DTWD2: variants seen among roughly 807,000 people sequenced by gnomAD.
The protein encoded by DTWD2 is tRNA-uridine aminocarboxypropyltransferase 2.
In DTWD2, 39 loss-of-function variants were observed where a neutral mutation model predicts 31.8. The ratio of observed to expected loss-of-function variants is 1.22; its 90% CI spans 0.95 to 1.60. The LOEUF (loss-of-function observed/expected upper bound fraction) is 1.60. Ranked by LOEUF, DTWD2 falls within the 40% of genes most tolerant of loss-of-function variation. The probability of loss-of-function intolerance (pLI) is 0.00; values close to 1 mark genes in which losing one functional copy is unlikely to be tolerated. For missense variants in DTWD2, 515 were observed against 381.5 expected (o/e 1.35, Z -2.92); for synonymous variants, 180 against 142.8 (o/e 1.26, Z -1.86).
chr5:118,936,380 G>C (rs1036169367), intron 3 of DTWD2, among the ~76,000 whole-genome samples: 6 of 151,098 alleles, frequency 4.0e-5, no homozygotes, highest in Non-Finnish European at 5.9e-5. Flanking sequence ...CTCTACAAAA[G>C]AAAACTTTTA....
At chr5:118,903,560 C>T (rs1753263231) in intron 4 of DTWD2, among the ~76,000 whole-genome samples, 1 of 151,920 alleles carries the variant, frequency 6.6e-6, no homozygotes, top group South Asian at 2.1e-4. Flanking sequence ...CAAGTATGAT[C>T]TTGTCTCCAG....
chr5:118,923,561 T>G (rs1438815647), intron 4 of DTWD2, among the ~76,000 whole-genome samples: 2 of 152,190 alleles, frequency 1.3e-5, no homozygotes, highest in East Asian at 3.9e-4. Context: ...GGAAGAATCT[T>G]GGGAAAGAGG....
chr5:118,972,602 G>T (rs1223984675), intron 1 of DTWD2, among the ~76,000 whole-genome samples: 1 of 152,154 alleles, frequency 6.6e-6, no homozygotes, highest in African/African-American at 2.4e-5. Context: ...TGAAAAGAAG[G>T]AACTCCTCCC....
At chr5:118,861,311 C>T (rs1752255610) in intron 4 of DTWD2, among the ~76,000 whole-genome samples, 1 of 152,078 alleles carries the variant, frequency 6.6e-6, no homozygotes, top group Non-Finnish European at 1.5e-5. Context: ...TTGGTGAAGC[C>T]CACTTAAAAG....
At chr5:118,965,587 C>A (rs1754824823) in intron 1 of DTWD2, among the ~76,000 whole-genome samples, 1 of 152,194 alleles carries the variant, frequency 6.6e-6, no homozygotes, top group South Asian at 2.1e-4. Context: ...AAGAAAAATT[C>A]TTCTGCCTTG....
At chr5:118,963,581 G>A (rs762282357) in intron 1 of DTWD2, among the ~76,000 whole-genome samples, 8 of 152,166 alleles carry the variant, frequency 5.3e-5, no homozygotes, top group Non-Finnish European at 1.2e-4. Flanking sequence ...TGAGCAGACA[G>A]ACATGTTAAA....
intron 4 of DTWD2, among the ~76,000 whole-genome samples, chr5:118,879,143 A>G (rs189609252): frequency 6.6e-6 from 1 of 152,282 alleles, no homozygotes; most frequent in Middle Eastern, 3.4e-3. Flanking sequence ...CTGGCTATAT[A>G]CCCAATGGAA....
At chr5:118,906,684 G>T (rs536146850) in intron 4 of DTWD2, among the ~76,000 whole-genome samples, 2 of 152,238 alleles carry the variant, frequency 1.3e-5, no homozygotes, top group South Asian at 4.1e-4. Context: ...TAAAGACAGG[G>T]AAAGGGTAGG....
chr5:118,950,396 T>C (rs1195752747), intron 1 of DTWD2, among the ~76,000 whole-genome samples: 3 of 152,064 alleles, frequency 2.0e-5, no homozygotes, highest in Non-Finnish European at 4.4e-5. Context: ...GGGGACGGCC[T>C]TACCCTCCAC....
chr5:118,948,964 G>A (rs1435867563), intron 1 of DTWD2, among the ~76,000 whole-genome samples: 1 of 152,168 alleles, frequency 6.6e-6, no homozygotes, highest in East Asian at 1.9e-4. Context: ...GAAGGGGTTA[G>A]GGTTTGGGAG....
intron 4 of DTWD2, among the ~76,000 whole-genome samples, chr5:118,897,802 G>A (rs568105808): frequency 1.3e-5 from 2 of 152,290 alleles, no homozygotes; most frequent in East Asian, 1.9e-4. Context: ...AATGTACTAT[G>A]TAATATTATT....
intron 1 of DTWD2, among the ~76,000 whole-genome samples, chr5:118,975,537 A>C (rs964577312): frequency 7.2e-5 from 11 of 152,176 alleles, no homozygotes; most frequent in African/African-American, 2.7e-4. Flanking sequence ...TCAATACATC[A>C]AACTCATTCT....
intron 4 of DTWD2, among the ~76,000 whole-genome samples, chr5:118,907,346 TAG>T (rs1305515537): frequency 6.6e-6 from 1 of 151,952 alleles, no homozygotes; most frequent in Non-Finnish European, 1.5e-5. Flanking sequence ...AGGATATATA[TAG>T]AGAGAGAGAG....
At chr5:118,980,440 TTGCCAG>T (rs1307475999) in intron 1 of DTWD2, among the ~76,000 whole-genome samples, 1 of 152,244 alleles carries the variant, frequency 6.6e-6, no homozygotes. Context: ...TTCATGTCTT[TTGCCAG>T]TGTCCATGAA....
chr5:118,852,182 G>A (rs1359140958), intron 4 of DTWD2, among the ~76,000 whole-genome samples: 1 of 152,140 alleles, frequency 6.6e-6, no homozygotes, highest in African/African-American at 2.4e-5. Context: ...GAAGCAGTCA[G>A]ACCTTATGGT....
intron 2 of DTWD2, among the ~76,000 whole-genome samples, chr5:118,940,261 T>C (rs1014481179): frequency 6.6e-6 from 1 of 152,246 alleles, no homozygotes. Context: ...AAGTGATTAG[T>C]TACTCCGCCT....
chr5:118,972,949 C>T (rs1755021913), intron 1 of DTWD2, among the ~76,000 whole-genome samples: 1 of 152,120 alleles, frequency 6.6e-6, no homozygotes, highest in African/African-American at 2.4e-5. Flanking sequence ...ATAGTTAGCT[C>T]TTCTTGTTGC....
At chr5:118,849,597 T>C (rs1580764502) in intron 4 of DTWD2, among the ~76,000 whole-genome samples, 2 of 152,326 alleles carry the variant, frequency 1.3e-5, no homozygotes, top group East Asian at 3.9e-4. Context: ...TGCAGCATTA[T>C]TCACAATAGC....
intron 4 of DTWD2, among the ~76,000 whole-genome samples, chr5:118,898,446 T>A (rs1358669043): frequency 6.6e-6 from 1 of 151,286 alleles, no homozygotes; most frequent in African/African-American, 2.4e-5. Context: ...TCACTTGAGG[T>A]TGGGAGTTCA....
Sources: allele counts gnomAD v4.1 joint callset (sites outside exome capture counted in the v4.1 genomes callset), GRCh38; gene constraint gnomAD v4.1.1; transcripts MANE v1.5; gene names NCBI Gene and HGNC (gene_info 2026-07-23, HGNC 2026-07-21).